Variants in MTNR1A observed in about 807,000 individuals in gnomAD.
The protein encoded by MTNR1A is melatonin receptor 1A.
MTNR1A carries 7 observed loss-of-function variants against 5.5 expected under a neutral mutation model. The observed-to-expected ratio is 1.28, with a 90% CI of 0.73 to 2.40. MTNR1A has a LOEUF of 2.40. Ranked by LOEUF, MTNR1A falls within the 30% of genes most tolerant of loss-of-function variation. The pLI, the probability that MTNR1A is intolerant of heterozygous loss-of-function variation, is 0.00. For synonymous variants in MTNR1A, 196 were observed against 202.7 expected (o/e 0.97, Z 0.28); for missense variants, 441 against 464.4 (o/e 0.95, Z 0.46).
chr4:186,541,205 G>C (rs916636891), intron 1 of MTNR1A, among the ~76,000 whole-genome samples: 1 of 152,152 alleles, frequency 6.6e-6, no homozygotes, highest in Non-Finnish European at 1.5e-5. Flanking sequence ...AAATTGGATG[G>C]TTGCAGCACT....
At chr4:186,550,376 T>G (rs1207702868) in intron 1 of MTNR1A, among the ~76,000 whole-genome samples, 3 of 152,210 alleles carry the variant, frequency 2.0e-5, no homozygotes, top group Non-Finnish European at 4.4e-5. Context: ...GAAAGGGTAT[T>G]TCTGTCAGCG....
At chr4:186,535,763 G>A (rs564754864) in intron 1 of MTNR1A, among the ~76,000 whole-genome samples, 47 of 151,820 alleles carry the variant, frequency 3.1e-4, no homozygotes, top group Non-Finnish European at 5.4e-4. Flanking sequence ...TTTCTTTTGC[G>A]GCTCTTCTGC....
Position 186,534,379 on chromosome 4 carries a change from G to C in MTNR1A, c.363C>G (p.Ile121Met). 1 of 1,614,138 alleles carries C rather than the reference G, an allele frequency of 6.2e-7. No individual in the cohort carries two copies. The highest frequency in any genetic ancestry group is 8.5e-7 in the Non-Finnish European group (1 of 1,180,016). ...AGATGTAGCAGTAGCGGTTGATGGC[G>C]ATGCCGGTGATGTTGAATATGGAGC... ...VIGSIFNITG[I>M]AINRYCYICH... Residue 121 changes from isoleucine to methionine, a missense_variant, in exon 2 of 2, where the codon ATC becomes ATG. Ile to Met is a conservative substitution (Grantham distance 10). Transcript: ENST00000307161.
rs1736775466 is a variant in MTNR1A, at chr4:186,534,057, G to A, written c.685C>T (p.Leu229=). ...AAATTCCTGAAGTCCTGTGGTTTCA[G>A]TTTGGGTTTGCGGTCAGGTTTCACC... is the stretch of plus-strand genomic sequence containing the variant. The part of the protein sequence containing the change: ...QRVKPDRKPK[L]KPQDFRNFVT... Residue 229 remains leucine, a synonymous_variant, in exon 2 of 2, where the codon CTG becomes TTG. Transcript: ENST00000307161. 6.2e-7 allele frequency: 1 copy of A among 1,613,992 alleles called. No individual in the cohort carries two copies. The highest frequency in any genetic ancestry group is 8.5e-7 in the Non-Finnish European group (1 of 1,180,048).
intron 1 of MTNR1A, among the ~76,000 whole-genome samples, chr4:186,535,055 G>A (rs984765103): frequency 2.6e-5 from 4 of 152,136 alleles, no homozygotes; most frequent in African/African-American, 7.2e-5. Context: ...GTCGTCAGCC[G>A]TCTGGATGAG....
At chr4:186,542,072 T>C (rs1737037491) in intron 1 of MTNR1A, among the ~76,000 whole-genome samples, 2 of 152,202 alleles carry the variant, frequency 1.3e-5, no homozygotes, top group Admixed American at 6.5e-5. Flanking sequence ...ATAGAAGTTA[T>C]TCATGAGCTC....
intron 1 of MTNR1A, among the ~76,000 whole-genome samples, chr4:186,547,276 G>A (rs1462996439): frequency 1.4e-5 from 1 of 70,176 alleles, no homozygotes; most frequent in African/African-American, 6.0e-5. Context: ...GGGACACACC[G>A]TCCACGCCAC....
rs1013278043 is a variant in MTNR1A, at chr4:186,555,480, T to TCCACGCCGCGCCCCCGGACGC, written c.-136_-116dup. The TCCACGCCGCGCCCCCGGACGC allele has an allele frequency of 2.4e-6, 2 of 835,644 alleles. No homozygotes were observed. The highest frequency in any genetic ancestry group is 5.7e-5 in the South Asian group (1 of 17,400). 51.8% of individuals were successfully genotyped at this position (835,644 alleles called of 1,614,324 possible). A position where few individuals can be genotyped will look rare whatever the true frequency, so the allele number is the denominator to read the frequency against. ...GCCCACGCCCCATCCCGCGCGCTCC[T>TCCACGCCGCGCCCCCGGACGC]CCACGCCGCGCCCCCGGACGCCCAC... is the stretch of plus-strand genomic sequence containing the variant. On this transcript the variant is annotated 5_prime_UTR_variant, in exon 1 of 2. Coordinates refer to ENST00000307161, the MANE Select transcript of MTNR1A (RefSeq NM_005958.4). This position sits in a 1 kb window ranked among gnomAD's most constrained non-coding sequence, Gnocchi z 4.1.
At chr4:186,538,445 G>A (rs982121267) in intron 1 of MTNR1A, among the ~76,000 whole-genome samples, 18 of 152,230 alleles carry the variant, frequency 1.2e-4, no homozygotes, top group South Asian at 4.2e-4. Context: ...CCACAAGCTC[G>A]GCACTCCGAG....
intron 1 of MTNR1A, among the ~76,000 whole-genome samples, chr4:186,551,577 G>A (rs1177306335): frequency 1.3e-5 from 2 of 152,136 alleles, no homozygotes; most frequent in African/African-American, 2.4e-5. Context: ...ATGGACGGAC[G>A]ATGGGTGGCT....
Position 186,533,787 on chromosome 4 carries a change from A to G in MTNR1A, c.955T>C (p.Phe319Leu). 6.2e-7 allele frequency: 1 copy of G among 1,614,192 alleles called. No homozygotes were observed. The highest frequency in any genetic ancestry group is 1.1e-5 in the South Asian group (1 of 91,068). The change falls in exon 2 of 2, where the codon TTC becomes CTC. Residue 319 changes from phenylalanine to leucine, a missense_variant. By Grantham distance (22) the Phe-to-Leu change is conservative. Coordinates refer to ENST00000307161, the MANE Select transcript of MTNR1A (RefSeq NM_005958.4). ...ACGTCGTTAGAGCTGTCCACAAAGA[A>G]CACCCTGGCTGTACAGAGCGAGACT... Reference protein sequence around the residue: ...IIVSLCTARVFFVDSSNDVAD... With the variant: ...IIVSLCTARVLFVDSSNDVAD...
At chr4:186,553,108 C>T (rs1450592231) in intron 1 of MTNR1A, among the ~76,000 whole-genome samples, 1 of 152,232 alleles carries the variant, frequency 6.6e-6, no homozygotes. Context: ...TTCACATTGT[C>T]ATTTCTTCCA....
chr4:186,541,050 C>T (rs1737011981), intron 1 of MTNR1A, among the ~76,000 whole-genome samples: 1 of 152,164 alleles, frequency 6.6e-6, no homozygotes, highest in East Asian at 1.9e-4. Flanking sequence ...GAGGCCACAG[C>T]CTGCGTTCCC....
intron 1 of MTNR1A, among the ~76,000 whole-genome samples, chr4:186,538,591 C>T (rs750808003): frequency 4.6e-5 from 7 of 152,202 alleles, no homozygotes; most frequent in Non-Finnish European, 8.8e-5. Context: ...CTAGCTTCCC[C>T]TGCGTCCCCT....
intron 1 of MTNR1A, among the ~76,000 whole-genome samples, chr4:186,540,578 AC>A (rs766871744): frequency 2.0e-5 from 3 of 152,160 alleles, no homozygotes; most frequent in Non-Finnish European, 4.4e-5. Flanking sequence ...TCGAACATGG[AC>A]CCCCAAGTGA....
intron 1 of MTNR1A, among the ~76,000 whole-genome samples, chr4:186,536,207 G>A (rs1338636771): frequency 6.6e-6 from 1 of 151,960 alleles, no homozygotes; most frequent in Admixed American, 6.6e-5. Context: ...TTCGCTGGGC[G>A]TGGTGGCGGG....
chr4:186,553,263 T>A (rs563409576), intron 1 of MTNR1A, among the ~76,000 whole-genome samples: 2 of 152,316 alleles, frequency 1.3e-5, no homozygotes, highest in African/African-American at 2.4e-5. Flanking sequence ...CAAATTACCA[T>A]CCATTCCAGA....
At chr4:186,549,715 G>A (rs79353801) in intron 1 of MTNR1A, among the ~76,000 whole-genome samples, 8,101 of 152,184 alleles carry the variant, frequency 0.053, 274 homozygotes, top group African/African-American at 0.084. Context: ...AAAGTGCCTC[G>A]ATAGAAAGTA....
At chr4:186,549,419 A>G (rs114041321) in intron 1 of MTNR1A, among the ~76,000 whole-genome samples, 425 of 152,302 alleles carry the variant, frequency 2.8e-3, no homozygotes, top group African/African-American at 9.9e-3. Flanking sequence ...CCGTGTCTCT[A>G]CCACTGATCA....
Sources: gnomAD v4.1 joint callset for allele counts (sites outside exome capture counted in the v4.1 genomes callset) on GRCh38, gnomAD v4.1.1 for gene constraint, Gnocchi (gnomAD v3.1) non-coding constraint, MANE v1.5 for transcripts, NCBI Gene and HGNC (gene_info 2026-07-23, HGNC 2026-07-21) for gene names.